ALPK1: variants seen among roughly 807,000 people sequenced by gnomAD.
ALPK1 encodes the protein alpha-protein kinase 1.
Under a neutral mutation model 120.6 loss-of-function variants are expected in ALPK1, and 110 were observed. That is an observed-to-expected ratio of 0.91 (90% CI 0.78 to 1.07). ALPK1 has a LOEUF of 1.07. ALPK1 is among the 50% of genes least tolerant of loss of function. ALPK1 has a pLI of 0.00. For missense variants in ALPK1, 1,498 were observed against 1,483.9 expected, an observed-to-expected ratio of 1.01 and a Z score of -0.16; for synonymous variants, 582 against 560.3, an observed-to-expected ratio of 1.04 and a Z score of -0.55.
At chr4:112,412,082 C>G (rs1008077460) in intron 5 of ALPK1, 57 bp downstream of exon 5, 4 of 1,598,902 alleles carry the variant, frequency 2.5e-6, no homozygotes, top group Non-Finnish European at 3.4e-6. Context: ...GTCCCCTTCC[C>G]TCCCGAGCTA....
At chr4:112,304,018 C>T (rs1018093556) in intron 1 of ALPK1, among the ~76,000 whole-genome samples, 5 of 151,884 alleles carry the variant, frequency 3.3e-5, no homozygotes, top group South Asian at 2.1e-4. Flanking sequence ...TTTGTCCTTG[C>T]GATAGTTTGC....
chr4:112,321,896 C>T (rs1728882008), intron 2 of ALPK1, among the ~76,000 whole-genome samples: 1 of 152,124 alleles, frequency 6.6e-6, no homozygotes, highest in Non-Finnish European at 1.5e-5. Context: ...TGTAGAGTGT[C>T]ACATTTGTTT....
chr4:112,386,871 CA>C (rs1732176551), intron 4 of ALPK1, among the ~76,000 whole-genome samples: 1 of 152,080 alleles, frequency 6.6e-6, no homozygotes. Flanking sequence ...AATAAAATTT[CA>C]AGGGAAAGTA....
chr4:112,439,977 G>A (rs1215207338), intron 14 of ALPK1, 105 bp downstream of exon 14: 2 of 1,034,974 alleles, frequency 1.9e-6, no homozygotes, highest in Admixed American at 6.3e-5. Context: ...CCATGTATAG[G>A]CTATTATTTG....
chr4:112,363,955 T>A (rs935376132), intron 2 of ALPK1, among the ~76,000 whole-genome samples: 7 of 152,142 alleles, frequency 4.6e-5, no homozygotes, highest in Non-Finnish European at 8.8e-5. Flanking sequence ...CTGCTCCTGA[T>A]CGATTGTTGG....
chr4:112,368,526 C>T (rs899166283), intron 2 of ALPK1, among the ~76,000 whole-genome samples: 14 of 151,984 alleles, frequency 9.2e-5, no homozygotes, highest in African/African-American at 2.4e-4. Context: ...GGAGCTCATG[C>T]GTCTTAGTAT....
At chr4:112,310,790 A>G (rs1472278189) in intron 1 of ALPK1, among the ~76,000 whole-genome samples, 6 of 152,104 alleles carry the variant, frequency 3.9e-5, no homozygotes, top group Admixed American at 3.9e-4. Context: ...TTAATATATT[A>G]AGACCCTTAT....
At chr4:112,359,463 C>A (rs1730809918) in intron 2 of ALPK1, 2 of 281,172 alleles carry the variant, frequency 7.1e-6, no homozygotes. Flanking sequence ...ATACCACAAG[C>A]AGCACTTCTT....
intron 2 of ALPK1, among the ~76,000 whole-genome samples, chr4:112,348,816 C>G (rs1359438014): frequency 2.0e-5 from 3 of 152,166 alleles, no homozygotes; most frequent in African/African-American, 7.2e-5. Flanking sequence ...AGGCCAGAGG[C>G]CCACCCCTAG....
intron 2 of ALPK1, among the ~76,000 whole-genome samples, chr4:112,368,790 G>A (rs1731266522): frequency 6.6e-6 from 1 of 152,102 alleles, no homozygotes; most frequent in Admixed American, 6.5e-5. Flanking sequence ...GAGAGGATGA[G>A]GATTTATTTT....
chr4:112,355,846 C>A (rs1030209698), intron 2 of ALPK1, among the ~76,000 whole-genome samples: 2 of 152,372 alleles, frequency 1.3e-5, no homozygotes, highest in Non-Finnish European at 2.9e-5. Context: ...CTGCGCGCCT[C>A]AGTCCGCGAA....
chr4:112,403,543 C>T (rs751444969), intron 4 of ALPK1, among the ~76,000 whole-genome samples: 16 of 152,098 alleles, frequency 1.1e-4, no homozygotes, highest in Non-Finnish European at 1.8e-4. Flanking sequence ...TATGCAGCTG[C>T]GGGGATGCCA....
Position 112,425,651 on chromosome 4 carries a change from ATCTTT to A in ALPK1, c.536-7_536-3del. 1.2e-6 allele frequency: 2 copies of A among 1,609,574 alleles called. No individual in the cohort carries two copies. Among genetic ancestry groups the A allele is most frequent in the South Asian group, 1.1e-5 (1 of 90,844 alleles). On this transcript the variant is annotated splice_polypyrimidine_tract_variant and intron_variant, in intron 6 of 15. Coordinates refer to ENST00000650871, the MANE Select transcript of ALPK1 (RefSeq NM_025144.4). The stretch of plus-strand genomic sequence containing the variant: ...TCTCTGATAATTCAAGGGAATTTTC[ATCTTT>A]TCTTTTAGGTACCTGGCTGTACAGA...
At chr4:112,423,644 T>A (rs1294873251) in intron 5 of ALPK1, 4 of 507,688 alleles carry the variant, frequency 7.9e-6, no homozygotes, top group Non-Finnish European at 1.5e-5. Flanking sequence ...CACAGCCTGT[T>A]AGAAAAGTTT....
chr4:112,319,757 A>G (rs1042122621), intron 2 of ALPK1, among the ~76,000 whole-genome samples: 4 of 151,670 alleles, frequency 2.6e-5, no homozygotes, highest in Non-Finnish European at 5.9e-5. Flanking sequence ...GAGGTTTTTC[A>G]CCTCCTTGGT....
intron 5 of ALPK1, chr4:112,412,394 C>T (rs1288946949): frequency 1.1e-5 from 5 of 469,266 alleles, no homozygotes; most frequent in South Asian, 3.1e-5. Context: ...ATTTTCTCTT[C>T]GCTCTCCTGT....
At position 112,431,242 on chromosome 4, in the gene ALPK1, T is replaced by C; in HGVS notation, c.1695T>C (p.Gly565=). Residue 565 remains glycine (G), a synonymous_variant, in exon 11 of 16, where the codon GGT becomes GGC. Transcript: ENST00000650871. Reference sequence around the variant, plus strand: ...CTGAGCCATCGGACTACAGCAATGGTGAGGGAGCTGTTTTCAACAAGTCTC... The same window carrying C: ...CTGAGCCATCGGACTACAGCAATGGCGAGGGAGCTGTTTTCAACAAGTCTC... ...TETEPSDYSN[G]EGAVFNKSLS... is the part of the protein sequence containing the mutation. 1 of 1,614,112 alleles carries C rather than the reference T, an allele frequency of 6.2e-7. No individual in the cohort carries two copies. Among genetic ancestry groups the C allele is most frequent in the Non-Finnish European group, 8.5e-7 (1 of 1,180,004 alleles).
chr4:112,363,644 TC>T (rs1731012524), intron 2 of ALPK1, among the ~76,000 whole-genome samples: 1 of 151,660 alleles, frequency 6.6e-6, no homozygotes, highest in South Asian at 2.1e-4. Context: ...ACTAGACAGG[TC>T]ATCAAGAGAG....
rs773746204 is a variant in ALPK1, at chr4:112,431,230, C to A, written c.1683C>A (p.Asp561Glu). The change falls in exon 11 of 16, where the codon GAC becomes GAA. Residue 561 changes from aspartate (D) to glutamate (E), a missense_variant. Asp to Glu is a conservative substitution (Grantham distance 45). Coordinates refer to ENST00000650871, the MANE Select transcript of ALPK1 (RefSeq NM_025144.4). ...TGGAGACTGAGACTGAGCCATCGGACTACAGCAATGGTGAGGGAGCTGTTT... is the reference window on the plus strand; with the variant it reads ...TGGAGACTGAGACTGAGCCATCGGAATACAGCAATGGTGAGGGAGCTGTTT... ...QDVETETEPS[D>E]YSNGEGAVFN... The A allele has an allele frequency of 6.2e-7, 1 of 1,614,204 alleles. No individual in the cohort carries two copies. The highest frequency in any genetic ancestry group is 1.3e-5 in the African/African-American group (1 of 75,062).
Sources: allele counts gnomAD v4.1 joint callset (sites outside exome capture counted in the v4.1 genomes callset), GRCh38; gene constraint gnomAD v4.1.1; transcripts MANE v1.5; gene names NCBI Gene and HGNC (gene_info 2026-07-23, HGNC 2026-07-21).